The following IGBP1 variants were observed in gnomAD, a reference collection of about 807,000 sequenced individuals.
IGBP1 encodes immunoglobulin-binding protein 1.
IGBP1 carries 2 observed loss-of-function variants against 25.9 expected under a neutral mutation model. That is an observed-to-expected ratio of 0.08 (90% confidence interval 0.03 to 0.24). The LOEUF is 0.24. Ranked by LOEUF, IGBP1 falls within the 10% of genes least tolerant of loss-of-function variation. The pLI, the probability that IGBP1 is intolerant of heterozygous loss-of-function variation, is 1.00. For missense variants in IGBP1, 187 were observed against 260.4 expected, an observed-to-expected ratio of 0.72 and a Z score of 1.94; for synonymous variants, 96 against 93.4, an observed-to-expected ratio of 1.03 and a Z score of -0.16.
intron 6 of IGBP1, among the ~76,000 whole-genome samples, chrX:70,158,354 A>G (rs897738415): frequency 5.4e-5 from 6 of 111,947 alleles, no homozygotes; most frequent in African/African-American, 1.9e-4. Flanking sequence ...AAAGGTCCAG[A>G]TGAAATTAGG....
intron 3 of IGBP1, 68 bp downstream of exon 3, chrX:70,134,884 G>T: frequency 3.0e-6 from 3 of 1,008,087 alleles, no homozygotes; most frequent in Non-Finnish European, 4.2e-6. Flanking sequence ...CTTTCTTGGC[G>T]GGTGGTGGGG....
intron 3 of IGBP1, 80 bp from the exon 4 acceptor site, chrX:70,146,553 G>C: frequency 1.2e-6 from 1 of 838,414 alleles, no homozygotes; most frequent in Non-Finnish European, 1.8e-6. Context: ...ATTTGCAAAG[G>C]TAAAATCTTA....
intron 3 of IGBP1, among the ~76,000 whole-genome samples, chrX:70,140,970 A>G (rs2085125654): frequency 1.8e-5 from 2 of 110,283 alleles, no homozygotes; most frequent in South Asian, 7.8e-4. Flanking sequence ...CCAAGGAAAA[A>G]CATGTAGACA....
intron 6 of IGBP1, among the ~76,000 whole-genome samples, chrX:70,162,014 T>C (rs182061229): frequency 8.9e-6 from 1 of 112,079 alleles, no homozygotes; most frequent in East Asian, 2.8e-4. Context: ...AAATCTCCCC[T>C]ACAGAAAAAT....
intron 3 of IGBP1, among the ~76,000 whole-genome samples, chrX:70,141,465 G>A (rs150369708): frequency 1.3e-3 from 149 of 111,697 alleles, no homozygotes; most frequent in African/African-American, 4.7e-3. Flanking sequence ...AGATACCATG[G>A]CATTTAGTTC....
intron 6 of IGBP1, among the ~76,000 whole-genome samples, chrX:70,152,403 G>T (rs965825722): frequency 4.5e-5 from 5 of 111,694 alleles, no homozygotes; most frequent in Non-Finnish European, 9.4e-5. Flanking sequence ...GAATGAAACA[G>T]AATTCGGAAT....
intron 6 of IGBP1, among the ~76,000 whole-genome samples, chrX:70,162,385 C>CT (rs1260462539): frequency 3.6e-5 from 4 of 112,012 alleles, no homozygotes; most frequent in Non-Finnish European, 7.5e-5. Flanking sequence ...GAGTTACATC[C>CT]TAGAGGAGAC....
intron 4 of IGBP1, among the ~76,000 whole-genome samples, chrX:70,147,048 T>C (rs905790039): frequency 8.9e-6 from 1 of 111,886 alleles, no homozygotes; most frequent in African/African-American, 3.2e-5. Context: ...TGGTATACCA[T>C]GGGGGACAGA....
At chrX:70,137,507 G>C (rs1260618218) in intron 3 of IGBP1, among the ~76,000 whole-genome samples, 1 of 110,730 alleles carries the variant, frequency 9.0e-6, no homozygotes, top group Non-Finnish European at 1.9e-5. Flanking sequence ...ACCAGATGAA[G>C]TCAGTGCTGC....
At chrX:70,137,969 C>CA (rs151148886) in intron 3 of IGBP1, among the ~76,000 whole-genome samples, 12,791 of 67,383 alleles carry the variant, frequency 0.19, 1,028 homozygotes, top group South Asian at 0.27. Flanking sequence ...GCCATCTCTG[C>CA]AAAAAAAAAA....
chrX:70,161,164 T>A (rs900233610), intron 6 of IGBP1, among the ~76,000 whole-genome samples: 1 of 112,240 alleles, frequency 8.9e-6, no homozygotes, highest in African/African-American at 3.2e-5. Flanking sequence ...CCCAATATTC[T>A]TTCTTTTAAG....
At chrX:70,158,793 G>A (rs5936855) in intron 6 of IGBP1, among the ~76,000 whole-genome samples, 5 of 111,830 alleles carry the variant, frequency 4.5e-5, no homozygotes, top group African/African-American at 1.3e-4. Context: ...GCAGTGAGTC[G>A]AGATCGTGCC....
intron 3 of IGBP1, among the ~76,000 whole-genome samples, chrX:70,140,176 T>TC (rs1459806578): frequency 8.9e-6 from 1 of 112,318 alleles, no homozygotes; most frequent in African/African-American, 3.2e-5. Flanking sequence ...TTTGTCTCTC[T>TC]CCCCTACTAC....
At chrX:70,142,437 A>G (rs1390247470) in intron 3 of IGBP1, among the ~76,000 whole-genome samples, 3 of 111,485 alleles carry the variant, frequency 2.7e-5, no homozygotes, top group Non-Finnish European at 5.6e-5. Flanking sequence ...ACTAGCTGCT[A>G]ATGACCAGGA....
Position 70,148,977 on chromosome X carries a change from C to G in IGBP1, c.758+137C>G. ...GGCGAGGTGGCTCGTGCCTGTAATC[C>G]CAGCACTTTGGGAGGCTGAGGTGGG... On this transcript the variant is annotated intron_variant, in intron 5 of 6. Transcript: ENST00000356413. 7.7e-6 allele frequency: 4 copies of G among 521,910 alleles called. No individual in the cohort carries two copies. In the South Asian group the frequency reaches 1.0e-4, roughly 13 times the overall value. 43.0% of individuals were successfully genotyped at this position (521,910 alleles called of 1,213,427 possible).
chrX:70,156,287 TAAAAAAAAAAAAA>T (rs202174045), intron 6 of IGBP1, among the ~76,000 whole-genome samples: 2 of 74,295 alleles, frequency 2.7e-5, no homozygotes, highest in African/African-American at 9.2e-5. Flanking sequence ...TTCAATTTGT[TAAAAAAAAAAAAA>T]AAAAAAAAAG....
In IGBP1 at chrX:70,147,585, G is replaced by A. The variant is rs185808772; in HGVS notation, c.678+757G>A. On this transcript the variant is annotated intron_variant, in intron 4 of 6. Transcript: ENST00000356413. ...GGAGGAGGAATTAGAATTTAACCTT[G>A]CCACAATGATGCACTGTCACACCTT... Among the ~76,000 whole-genome samples, 401 of 111,911 alleles carry A rather than the reference G, an allele frequency of 3.6e-3. 3 individuals carry two copies. The highest frequency in any genetic ancestry group is 0.012 in the African/African-American group (380 of 30,783).
At chrX:70,156,055 A>AT (rs1451255105) in intron 6 of IGBP1, among the ~76,000 whole-genome samples, 1 of 111,236 alleles carries the variant, frequency 9.0e-6, no homozygotes, top group Non-Finnish European at 1.9e-5. Flanking sequence ...AACATAACAC[A>AT]TTTACCCATT....
At chrX:70,163,906 A>G (rs2085283581) in intron 6 of IGBP1, 1 of 112,198 alleles carries the variant, frequency 8.9e-6, no homozygotes, top group Non-Finnish European at 1.9e-5. Context: ...ATTTAAAAAG[A>G]TATCAAAACA....
Sources: allele counts gnomAD v4.1 joint callset (sites outside exome capture counted in the v4.1 genomes callset), GRCh38; gene constraint gnomAD v4.1.1; transcripts MANE v1.5; gene names NCBI Gene and HGNC (gene_info 2026-07-23, HGNC 2026-07-21).